ZMPSTE24: variants seen among roughly 807,000 people sequenced by gnomAD.
ZMPSTE24 encodes the protein zinc metallopeptidase STE24, also known as CAAX prenyl protease 1 homolog.
Under a neutral mutation model 56.7 loss-of-function variants are expected in ZMPSTE24, and 48 were observed. That is an observed-to-expected ratio of 0.85 (90% CI 0.67 to 1.08). The LOEUF (loss-of-function observed/expected upper bound fraction) is 1.08. ZMPSTE24 is among the 50% of genes least tolerant of loss of function. ZMPSTE24 has a pLI of 0.00. For missense variants in ZMPSTE24, 503 were observed against 548.7 expected (o/e 0.92, Z 0.83); for synonymous variants, 172 against 195.2 (o/e 0.88, Z 0.99).
chr1:40,279,143 GA>G (rs1405371548), intron 6 of ZMPSTE24, among the ~76,000 whole-genome samples: 1 of 151,214 alleles, frequency 6.6e-6, no homozygotes, highest in African/African-American at 2.4e-5. Flanking sequence ...TGTCTCAAAA[GA>G]AAAAAAGGTA....
intron 6 of ZMPSTE24, among the ~76,000 whole-genome samples, chr1:40,278,450 C>T (rs1156502903): frequency 1.4e-5 from 2 of 143,398 alleles, no homozygotes; most frequent in Non-Finnish European, 3.0e-5. Flanking sequence ...CCCAGCTACT[C>T]GGGAGGCTGA....
At chr1:40,278,553 G>A (rs564221824) in intron 6 of ZMPSTE24, among the ~76,000 whole-genome samples, 86 of 46,964 alleles carry the variant, frequency 1.8e-3, no homozygotes, top group Middle Eastern at 0.028. Context: ...GTGAGACTCC[G>A]TCTCAAAAAA....
intron 7 of ZMPSTE24, among the ~76,000 whole-genome samples, chr1:40,282,145 A>T (rs988894178): frequency 3.9e-5 from 6 of 152,216 alleles, no homozygotes; most frequent in African/African-American, 1.4e-4. Context: ...TAAAGGGGAA[A>T]TAGTCATGCA....
intron 8 of ZMPSTE24, among the ~76,000 whole-genome samples, chr1:40,286,396 A>G (rs991390554): frequency 2.6e-5 from 4 of 152,200 alleles, no homozygotes; most frequent in African/African-American, 7.2e-5. Flanking sequence ...GATAAGTTGG[A>G]CATTAAAATG....
chr1:40,269,911 A>G (rs534723160), intron 4 of ZMPSTE24, 64 bp from the exon 5 acceptor site: 14 of 1,549,478 alleles, frequency 9.0e-6, no homozygotes, highest in South Asian at 1.2e-5. Flanking sequence ...GTATTTATTT[A>G]TCAGTTATTT....
intron 8 of ZMPSTE24, among the ~76,000 whole-genome samples, chr1:40,290,450 ATTT>A (rs996301433): frequency 1.1e-4 from 9 of 82,582 alleles, no homozygotes; most frequent in South Asian, 4.5e-4. Context: ...CACACTATGA[ATTT>A]TTTTTTTTTT....
chr1:40,276,029 G>A (rs1405351921), intron 6 of ZMPSTE24, among the ~76,000 whole-genome samples: 1 of 152,128 alleles, frequency 6.6e-6, no homozygotes, highest in Non-Finnish European at 1.5e-5. Flanking sequence ...ACTAAGCCAG[G>A]GCATGGGGCT....
chr1:40,282,418 A>G (rs1643740051), intron 7 of ZMPSTE24, among the ~76,000 whole-genome samples: 2 of 152,242 alleles, frequency 1.3e-5, no homozygotes, highest in African/African-American at 2.4e-5. Context: ...GGAATGTGCC[A>G]TTGCCTTTGG....
chr1:40,275,661 A>C (rs1643662845), intron 6 of ZMPSTE24, among the ~76,000 whole-genome samples: 1 of 147,230 alleles, frequency 6.8e-6, no homozygotes, highest in South Asian at 2.3e-4. Flanking sequence ...CTGAGGCAGG[A>C]GGATCGCTTG....
At chr1:40,287,746 A>G (rs754887145) in intron 8 of ZMPSTE24, among the ~76,000 whole-genome samples, 2 of 152,160 alleles carry the variant, frequency 1.3e-5, no homozygotes, top group Non-Finnish European at 2.9e-5. Flanking sequence ...CAATCCCAAT[A>G]ATGTTCCTCT....
chr1:40,289,845 G>GCCTGTTTCT (rs1643822693), intron 8 of ZMPSTE24, among the ~76,000 whole-genome samples: 1 of 152,164 alleles, frequency 6.6e-6, no homozygotes, highest in African/African-American at 2.4e-5. Context: ...TTCAAGGGAA[G>GCCTGTTTCT]CCTGTTTCTT....
Position 40,293,066 on chromosome 1 carries a change from A to G in ZMPSTE24, c.*397A>G. The G allele has an allele frequency of 4.8e-6, 1 of 208,360 alleles. No individual in the cohort carries two copies. The highest frequency in any genetic ancestry group is 9.8e-6 in the Non-Finnish European group (1 of 102,506). 12.9% of individuals were successfully genotyped at this position (208,360 alleles called of 1,614,324 possible). A position where few individuals can be genotyped will look rare whatever the true frequency, so the allele number is the denominator to read the frequency against. On this transcript the variant is annotated 3_prime_UTR_variant, in exon 10 of 10. Coordinates refer to ENST00000372759, the MANE Select transcript of ZMPSTE24 (RefSeq NM_005857.5). ...GAGGTGGAAACAGTGGTCCTGAATC[A>G]TTGTGCTCACACCTAACTTGAAATC...
At chr1:40,267,540 T>C (rs369238217) in intron 2 of ZMPSTE24, among the ~76,000 whole-genome samples, 1 of 151,468 alleles carries the variant, frequency 6.6e-6, no homozygotes, top group African/African-American at 2.4e-5. Flanking sequence ...AATTTTTAAA[T>C]TTTTTGTAGA....
intron 8 of ZMPSTE24, among the ~76,000 whole-genome samples, chr1:40,287,814 A>G (rs1022921377): frequency 6.6e-6 from 1 of 152,166 alleles, no homozygotes; most frequent in South Asian, 2.1e-4. Context: ...AAAAAGCACT[A>G]TATCATGTTG....
chr1:40,285,652 A>G (rs1386570709), intron 7 of ZMPSTE24, among the ~76,000 whole-genome samples: 9 of 151,108 alleles, frequency 6.0e-5, no homozygotes. Context: ...TATTTCTTCC[A>G]GTTTTTTTTT....
intron 2 of ZMPSTE24, among the ~76,000 whole-genome samples, chr1:40,263,439 A>G (rs1020849052): frequency 3.9e-5 from 6 of 152,246 alleles, no homozygotes; most frequent in African/African-American, 7.2e-5. Flanking sequence ...TTAATTGCCA[A>G]GGGACATGCT....
Position 40,270,012 on chromosome 1 carries a change from T to G in ZMPSTE24, c.512T>G (p.Phe171Cys). ...GFFMKDAIKK[F>C]VVTQCILLPV... The stretch of plus-strand genomic sequence containing the variant: ...TTCATGAAAGATGCAATCAAGAAAT[T>G]TGTTGTGACTCAGTGTATTTTGTTG... Residue 171 changes from phenylalanine (F) to cysteine (C), a missense_variant, in exon 5 of 10, where the codon TTT (phenylalanine) becomes TGT (cysteine). Coordinates refer to ENST00000372759, the MANE Select transcript of ZMPSTE24 (RefSeq NM_005857.5). The G allele has an allele frequency of 6.2e-7, 1 of 1,613,828 alleles. No homozygotes were observed. The highest frequency in any genetic ancestry group is 8.5e-7 in the Non-Finnish European group (1 of 1,179,938).
rs1215982461 is a variant in ZMPSTE24, at chr1:40,292,702, G to C, written c.*33G>C. Reference sequence around the variant, plus strand: ...AGGATCTGTGACTGAAGACATTTCTGATTATTTCTGTCCTGGCAGCATGTT... The same window carrying C: ...AGGATCTGTGACTGAAGACATTTCTCATTATTTCTGTCCTGGCAGCATGTT... On this transcript the variant is annotated 3_prime_UTR_variant, in exon 10 of 10. Transcript: ENST00000372759. 1 of 1,590,978 alleles carries C rather than the reference G, an allele frequency of 6.3e-7. No homozygotes were observed. Among genetic ancestry groups the C allele is most frequent in the African/African-American group, 1.3e-5 (1 of 74,530 alleles).
intron 2 of ZMPSTE24, among the ~76,000 whole-genome samples, chr1:40,267,126 T>A (rs1346593712): frequency 6.6e-6 from 1 of 152,166 alleles, no homozygotes; most frequent in East Asian, 1.9e-4. Context: ...AAAAGGTTTT[T>A]TTTTGTTTTG....
Sources: allele counts gnomAD v4.1 joint callset (sites outside exome capture counted in the v4.1 genomes callset), GRCh38; gene constraint gnomAD v4.1.1; transcripts MANE v1.5; gene names NCBI Gene and HGNC (gene_info 2026-07-23, HGNC 2026-07-21).